B3GAT2: variants seen among roughly 807,000 people sequenced by gnomAD.
B3GAT2 encodes the protein beta-1,3-glucuronyltransferase 2, also known as galactosylgalactosylxylosylprotein 3-beta-glucuronosyltransferase 2.
A neutral mutation model predicts 27.8 loss-of-function variants in B3GAT2; 26 were observed. That is an observed-to-expected ratio of 0.93 (90% CI 0.68 to 1.30). The LOEUF (loss-of-function observed/expected upper bound fraction) is 1.30, where lower values mean the gene tolerates loss of function less well. Among genes scored for constraint, B3GAT2 ranks in the 50% most tolerant of loss-of-function variants. The pLI, the probability that B3GAT2 is intolerant of heterozygous loss-of-function variation, is 0.00. For synonymous variants in B3GAT2, 218 were observed against 195.1 expected (o/e 1.12, Z -0.98); for missense variants, 458 against 459.0 (o/e 1.00, Z 0.02).
intron 1 of B3GAT2, among the ~76,000 whole-genome samples, chr6:70,938,179 A>G (rs879890656): frequency 1.9e-4 from 28 of 149,644 alleles, no homozygotes; most frequent in Non-Finnish European, 2.2e-4. Flanking sequence ...TAAAATACTT[A>G]GGAATCCAAC....
Position 70,858,287 on chromosome 6 carries a change from CTTTTTTTTTTTTTTTTT to C in B3GAT2, c.*3359_*3375del, listed in dbSNP as rs68188898. The C allele has an allele frequency of 2.4e-5, 7 of 290,734 alleles. No homozygotes were observed. Among genetic ancestry groups the C allele is most frequent in the East Asian group, 2.4e-4 (3 of 12,690 alleles). 18.0% of individuals were successfully genotyped at this position (290,734 alleles called of 1,614,324 possible). ...ATCAAACCAGATTTATTTTCTAAAT[CTTTTTTTTTTTTTTTTT>C]TTTTTTTTTTTAAGTCTAGTGATCT... On this transcript the variant is annotated 3_prime_UTR_variant, in exon 4 of 4. Transcript: ENST00000230053.
At position 70,956,103 on chromosome 6, in the gene B3GAT2, C is replaced by A; in HGVS notation, c.327G>T (p.Ala109=). 3 of 1,600,530 alleles carry A rather than the reference C, an allele frequency of 1.9e-6. No homozygotes were observed. Among genetic ancestry groups the A allele is most frequent in the Non-Finnish European group, 1.7e-6 (2 of 1,174,976 alleles). Residue 109 remains alanine (A), a synonymous_variant, in exon 1 of 4, where the codon GCG becomes GCT. Transcript: ENST00000230053. ...CCTCCACCAGGATCCAGTGCAGCTG[C>A]GCCACCTGGCGGAACGTGTTGGCCA... ...TRLANTFRQV[A]QLHWILVEDA...
chr6:70,939,768 T>G (rs367939604), intron 1 of B3GAT2, among the ~76,000 whole-genome samples: 21 of 151,026 alleles, frequency 1.4e-4, no homozygotes, highest in Middle Eastern at 3.4e-3. Flanking sequence ...GGGGGAGGGA[T>G]AGCATTAGGA....
intron 1 of B3GAT2, among the ~76,000 whole-genome samples, chr6:70,904,679 T>C (rs1320703294): frequency 6.6e-6 from 1 of 152,194 alleles, no homozygotes; most frequent in Admixed American, 6.5e-5. Flanking sequence ...CTGTGAACGA[T>C]TTTAAATATC....
intron 1 of B3GAT2, among the ~76,000 whole-genome samples, chr6:70,934,114 A>G (rs1236715691): frequency 6.6e-6 from 1 of 152,342 alleles, no homozygotes; most frequent in East Asian, 1.9e-4. Context: ...TGGCTCAGTC[A>G]GGCCTAGAGG....
intron 2 of B3GAT2, among the ~76,000 whole-genome samples, chr6:70,884,519 G>A (rs763227590): frequency 2.6e-5 from 4 of 152,166 alleles, no homozygotes; most frequent in South Asian, 4.1e-4. Context: ...GGCTAGCAAG[G>A]CGGCCAGGGG....
chr6:70,861,619 A>G lies in B3GAT2; in HGVS notation c.*44T>C. On this transcript the variant is annotated 3_prime_UTR_variant, in exon 4 of 4. Transcript: ENST00000230053. ...CTAAACTCCAAACATCCTCTTCCATATGGATCCACTGGCTGGACAAACTGC... is the reference window on the plus strand; with the variant it reads ...CTAAACTCCAAACATCCTCTTCCATGTGGATCCACTGGCTGGACAAACTGC... 3 of 1,559,366 alleles carry G rather than the reference A, an allele frequency of 1.9e-6. No individual in the cohort carries two copies. Among genetic ancestry groups the G allele is most frequent in the South Asian group, 1.1e-5 (1 of 88,500 alleles).
At chr6:70,867,711 C>T (rs1771873522) in intron 2 of B3GAT2, among the ~76,000 whole-genome samples, 1 of 152,048 alleles carries the variant, frequency 6.6e-6, no homozygotes, top group African/African-American at 2.4e-5. Flanking sequence ...GACCAGAGAG[C>T]TTCACTGGTA....
At chr6:70,879,658 C>T (rs182876725) in intron 2 of B3GAT2, among the ~76,000 whole-genome samples, 39 of 152,178 alleles carry the variant, frequency 2.6e-4, no homozygotes, top group Middle Eastern at 3.4e-3. Flanking sequence ...GGTGCACACA[C>T]GGTGGTGAGT....
chr6:70,880,277 G>A (rs958346342), intron 2 of B3GAT2, among the ~76,000 whole-genome samples: 4 of 152,130 alleles, frequency 2.6e-5, no homozygotes, highest in Non-Finnish European at 5.9e-5. Flanking sequence ...AGTGAACCAG[G>A]CCTTGTCCTA....
chr6:70,908,556 C>T (rs1284655152), intron 1 of B3GAT2, among the ~76,000 whole-genome samples: 1 of 152,034 alleles, frequency 6.6e-6, no homozygotes, highest in South Asian at 2.1e-4. Context: ...AAATAAACCT[C>T]AAAAACATGG....
rs1473928679 is a variant in B3GAT2 at position 70,860,104 on chromosome 6, T to G, written c.*1559A>C. 4.3e-6 allele frequency: 6 copies of G among 1,385,322 alleles called. No individual in the cohort carries two copies. Among genetic ancestry groups the G allele is most frequent in the Non-Finnish European group, 4.8e-6 (5 of 1,031,518 alleles). 85.8% of individuals were successfully genotyped at this position (1,385,322 alleles called of 1,614,324 possible). A position where few individuals can be genotyped will look rare whatever the true frequency, so the allele number is the denominator to read the frequency against. On this transcript the variant is annotated 3_prime_UTR_variant, in exon 4 of 4. Transcript: ENST00000230053. Reference sequence around the variant, plus strand: ...TTTATTCCAGTGCTTGGACTAGTTGTCACATTAATGAAAAAATGACCAACT... The same window carrying G: ...TTTATTCCAGTGCTTGGACTAGTTGGCACATTAATGAAAAAATGACCAACT...
At chr6:70,941,708 G>T (rs1765396340) in intron 1 of B3GAT2, among the ~76,000 whole-genome samples, 1 of 152,136 alleles carries the variant, frequency 6.6e-6, no homozygotes, top group Non-Finnish European at 1.5e-5. Context: ...ACTATGATTT[G>T]ATTGACAATC....
At chr6:70,864,072 T>C (rs1425925019) in intron 2 of B3GAT2, among the ~76,000 whole-genome samples, 1 of 151,242 alleles carries the variant, frequency 6.6e-6, no homozygotes, top group African/African-American at 2.4e-5. Flanking sequence ...TTTTTTTTTT[T>C]TTTTTTTTTT....
In B3GAT2 at chr6:70,862,137, T is replaced by TC. The variant is rs1311686389; in HGVS notation, c.737-160dup. 22 of 650,508 alleles carry TC rather than the reference T, an allele frequency of 3.4e-5. No homozygotes were observed. The African/African-American group carries it at 3.8e-4, about 11-fold the overall frequency. 40.3% of individuals were successfully genotyped at this position (650,508 alleles called of 1,614,324 possible). ...AATAGGAACATTACCTGTATTACAG[T>TC]CTCAAAGGAAAATCAGTCATTACAA... On this transcript the variant is annotated intron_variant, in intron 2 of 3. Transcript: ENST00000230053.
At chr6:70,954,683 G>A (rs1765622557) in intron 1 of B3GAT2, among the ~76,000 whole-genome samples, 1 of 152,212 alleles carries the variant, frequency 6.6e-6, no homozygotes, top group South Asian at 2.1e-4. Flanking sequence ...AAGGGGAATT[G>A]AGGGGGAGTC....
At chr6:70,906,170 T>C (rs1251582103) in intron 1 of B3GAT2, among the ~76,000 whole-genome samples, 1 of 152,208 alleles carries the variant, frequency 6.6e-6, no homozygotes, top group Non-Finnish European at 1.5e-5. Flanking sequence ...ATCTATCTCC[T>C]ATTCTTCTCA....
intron 1 of B3GAT2, among the ~76,000 whole-genome samples, chr6:70,938,794 C>A (rs894283758): frequency 8.5e-5 from 13 of 152,062 alleles, no homozygotes; most frequent in Middle Eastern, 3.4e-3. Context: ...ACCATAAAAA[C>A]CCTAGAAGAA....
chr6:70,919,428 C>G (rs868257492), intron 1 of B3GAT2, among the ~76,000 whole-genome samples: 4 of 152,168 alleles, frequency 2.6e-5, no homozygotes, highest in Non-Finnish European at 2.9e-5. Flanking sequence ...CATTCTCTGT[C>G]CAGTTTTGTT....
Sources: allele counts gnomAD v4.1 joint callset (sites outside exome capture counted in the v4.1 genomes callset), GRCh38; gene constraint gnomAD v4.1.1; transcripts MANE v1.5; gene names NCBI Gene and HGNC (gene_info 2026-07-23, HGNC 2026-07-21).